The following PDK3 variants were observed in gnomAD, a reference collection of about 807,000 sequenced individuals.
PDK3 encodes the protein pyruvate dehydrogenase kinase, isozyme 3.
Under a neutral mutation model 32.0 loss-of-function variants are expected in PDK3, and 12 were observed. That is an observed-to-expected ratio of 0.37 (90% CI 0.24 to 0.61). The LOEUF (loss-of-function observed/expected upper bound fraction) is 0.61, where lower values mean the gene tolerates loss of function less well. Ranked by LOEUF, PDK3 falls within the 20% of genes least tolerant of loss-of-function variation. The pLI, the probability that PDK3 is intolerant of heterozygous loss-of-function variation, is 0.65. For synonymous variants in PDK3, 122 were observed against 116.3 expected (o/e 1.05, Z -0.31); for missense variants, 188 against 316.9 (o/e 0.59, Z 3.09).
rs761538432 is a variant in PDK3 at position 24,472,675 on chromosome X, C to CT, written c.106+7140dup. Among the ~76,000 whole-genome samples, 486 of 49,672 alleles carry CT rather than the reference C, an allele frequency of 9.8e-3. 27 individuals are homozygous for CT. The highest frequency in any genetic ancestry group is 0.026 in the African/African-American group (288 of 11,154). The allele number at this position is 49,672 out of a possible 115,157, so 43.1% of individuals were successfully genotyped here. On this transcript the variant is annotated intron_variant, in intron 1 of 10. Transcript: ENST00000379162. ...ATATGGCTTACATATTTCTTTCTTTCTTTTTTTTTTTTTTTTTTTTTTTTT... is the reference window on the plus strand; with the variant it reads ...ATATGGCTTACATATTTCTTTCTTTCTTTTTTTTTTTTTTTTTTTTTTTTTT...
At chrX:24,478,330 C>T (rs1292471000) in intron 1 of PDK3, among the ~76,000 whole-genome samples, 1 of 111,073 alleles carries the variant, frequency 9.0e-6, no homozygotes, top group Non-Finnish European at 1.9e-5. Context: ...AGTGGTGGCT[C>T]ATATCTGTAG....
chrX:24,529,179 A>G (rs1428232815), intron 9 of PDK3, among the ~76,000 whole-genome samples: 1 of 111,863 alleles, frequency 8.9e-6, no homozygotes, highest in Non-Finnish European at 1.9e-5. Flanking sequence ...AAAAGGCACC[A>G]CAAACAAATC....
intron 2 of PDK3, 30 bp from the exon 3 acceptor site, chrX:24,498,799 C>G (rs765336735): frequency 2.1e-6 from 2 of 951,579 alleles, no homozygotes; most frequent in Non-Finnish European, 2.9e-6. Context: ...CATAGTAACT[C>G]TTCTTTTTCT....
At chrX:24,531,599 T>C (rs1922650675) in intron 9 of PDK3, 58 bp from the exon 10 acceptor site, 2 of 614,221 alleles carry the variant, frequency 3.3e-6, no homozygotes, top group African/African-American at 2.2e-5. Flanking sequence ...ATGGTCATCA[T>C]ATAAAATGTG....
chrX:24,490,178 A>G (rs1921516160), intron 1 of PDK3, among the ~76,000 whole-genome samples: 1 of 111,905 alleles, frequency 8.9e-6, no homozygotes, highest in Non-Finnish European at 1.9e-5. Flanking sequence ...GGGTCTTGCC[A>G]CATTGCCCAG....
chrX:24,486,001 C>T (rs1403460513), intron 1 of PDK3, among the ~76,000 whole-genome samples: 1 of 112,279 alleles, frequency 8.9e-6, no homozygotes, highest in Non-Finnish European at 1.9e-5. Context: ...AATAAATCAT[C>T]TACAACCCCC....
At chrX:24,493,606 G>A (rs1921627516) in intron 1 of PDK3, among the ~76,000 whole-genome samples, 1 of 111,790 alleles carries the variant, frequency 8.9e-6, no homozygotes. Flanking sequence ...CCTAGGCAGG[G>A]CGAGGGAGAT....
exon 12 of PDK3, chrX:24,547,011 C>T (rs1415259241): frequency 8.9e-6 from 1 of 112,167 alleles, no homozygotes; most frequent in African/African-American, 3.2e-5. Context: ...TATAAAACAC[C>T]GAAAGGTGGA....
At chrX:24,494,003 C>T (rs1461003135) in intron 1 of PDK3, among the ~76,000 whole-genome samples, 1 of 112,037 alleles carries the variant, frequency 8.9e-6, no homozygotes, top group Non-Finnish European at 1.9e-5. Flanking sequence ...TGTTTCCTCT[C>T]ATGGCGTCTT....
exon 12 of PDK3, chrX:24,547,050 C>T (rs11796726): frequency 8.9e-6 from 1 of 112,325 alleles, no homozygotes; most frequent in Non-Finnish European, 1.9e-5. Flanking sequence ...TCCATCCTTT[C>T]CCCTTAAGTG....
exon 12 of PDK3, chrX:24,539,825 T>C (rs1397508480): frequency 8.9e-6 from 1 of 112,543 alleles, no homozygotes; most frequent in East Asian, 2.8e-4. Context: ...GCATTCGAAA[T>C]GTTATCTTAG....
chrX:24,498,698 G>A, intron 2 of PDK3, 131 bp from the exon 3 acceptor site: 1 of 393,671 alleles, frequency 2.5e-6, no homozygotes, highest in South Asian at 6.2e-5. Context: ...TAAGCCACAT[G>A]GGGGATGCGG....
chrX:24,495,864 C>T (rs1039730012), intron 2 of PDK3, among the ~76,000 whole-genome samples: 1 of 111,936 alleles, frequency 8.9e-6, no homozygotes, highest in African/African-American at 3.3e-5. Context: ...ACCACATTAG[C>T]ATAAACTCAG....
intron 2 of PDK3, among the ~76,000 whole-genome samples, chrX:24,496,771 CTTTTTTTTT>C (rs376346872): frequency 5.7e-5 from 2 of 35,393 alleles, no homozygotes; most frequent in Non-Finnish European, 9.3e-5. Context: ...TCAAAATAAT[CTTTTTTTTT>C]TTTTTTTTTT....
rs1157802670 is a variant in PDK3 at position 24,525,891 on chromosome X, C to T, written c.674-307C>T. ...AAACACCAAGTGATATCTGACTGGCCTTCTGTAATACTCAGGATGTTATGG... is the reference window on the plus strand; with the variant it reads ...AAACACCAAGTGATATCTGACTGGCTTTCTGTAATACTCAGGATGTTATGG... On this transcript the variant is annotated intron_variant, in intron 6 of 10. Transcript: ENST00000379162. Among the ~76,000 whole-genome samples, 26 of 112,123 alleles carry T rather than the reference C, an allele frequency of 2.3e-4. No individual in the cohort carries two copies. The Admixed American group carries it at 2.5e-3, about 11-fold the overall frequency.
rs1302371900 is a variant in PDK3, at chrX:24,511,122, C to G, written c.595+5824C>G. 2.7e-5 allele frequency among the ~76,000 whole-genome samples: 3 copies of G among 112,490 alleles called. No homozygotes were observed. In the East Asian group the frequency reaches 8.3e-4, roughly 31 times the overall value. On this transcript the variant is annotated intron_variant, in intron 5 of 10. Transcript: ENST00000379162. ...CCCCAAATGCCCCAGGAGCAACCAT[C>G]AGAAGGTCTCAAGAGGCCCAGGCCT... is the stretch of plus-strand genomic sequence containing the variant.
chrX:24,481,245 G>A (rs1024824000), intron 1 of PDK3, among the ~76,000 whole-genome samples: 8 of 110,546 alleles, frequency 7.2e-5, no homozygotes, highest in Non-Finnish European at 1.3e-4. Context: ...GGGTTTCACC[G>A]TGGTCTCGAT....
At chrX:24,544,980 A>G (rs936614623) in exon 12 of PDK3, among the ~76,000 whole-genome samples, 1 of 112,624 alleles carries the variant, frequency 8.9e-6, no homozygotes, top group African/African-American at 3.2e-5. Context: ...GTGTGGAAAG[A>G]TAACTTTTAA....
At chrX:24,543,016 C>G (rs991887254) in exon 12 of PDK3, among the ~76,000 whole-genome samples, 2 of 111,789 alleles carry the variant, frequency 1.8e-5, no homozygotes, top group African/African-American at 6.5e-5. Context: ...AGGTCTGAGT[C>G]CTGATGGATT....
Sources: allele counts gnomAD v4.1 joint callset (sites outside exome capture counted in the v4.1 genomes callset), GRCh38; gene constraint gnomAD v4.1.1; transcripts MANE v1.5; gene names NCBI Gene and HGNC (gene_info 2026-07-23, HGNC 2026-07-21).